Variants in AHCYL2 observed in about 807,000 individuals in gnomAD.
AHCYL2 encodes S-adenosylhomocysteine hydrolase-like protein 2.
In AHCYL2, 28 loss-of-function variants were observed where a neutral mutation model predicts 81.4. The ratio of observed to expected loss-of-function variants is 0.34; its 90% CI spans 0.25 to 0.47. The LOEUF (loss-of-function observed/expected upper bound fraction) is 0.47. Among genes scored for constraint, AHCYL2 ranks in the 20% least tolerant of loss-of-function variants. The probability of loss-of-function intolerance (pLI) is 1.00; values close to 1 mark genes in which losing one functional copy is unlikely to be tolerated. For synonymous variants in AHCYL2, 272 were observed against 290.2 expected, an observed-to-expected ratio of 0.94 and a Z score of 0.64; for missense variants, 551 against 785.1, an observed-to-expected ratio of 0.70 and a Z score of 3.56.
intron 1 of AHCYL2, among the ~76,000 whole-genome samples, chr7:129,237,006 T>C (rs752202696): frequency 6.6e-6 from 1 of 152,188 alleles, no homozygotes; most frequent in African/African-American, 2.4e-5. Context: ...TTAGGAATTC[T>C]TTATATATTC....
At chr7:129,402,249 C>T (rs926474766) in intron 6 of AHCYL2, among the ~76,000 whole-genome samples, 1 of 152,078 alleles carries the variant, frequency 6.6e-6, no homozygotes, top group African/African-American at 2.4e-5. Context: ...GGAGCAAGTA[C>T]AAGAGCTTTG....
intron 1 of AHCYL2, among the ~76,000 whole-genome samples, chr7:129,257,111 A>C: frequency 6.6e-6 from 1 of 152,162 alleles, no homozygotes; most frequent in East Asian, 1.9e-4. Context: ...CTCTGAAGGG[A>C]TGAAGCTGTT....
chr7:129,280,369 G>A (rs570465785), intron 1 of AHCYL2, among the ~76,000 whole-genome samples: 5 of 151,806 alleles, frequency 3.3e-5, no homozygotes, highest in East Asian at 1.9e-4. Context: ...AGGTTTCGCC[G>A]TGTTGGCCAG....
intron 1 of AHCYL2, among the ~76,000 whole-genome samples, chr7:129,297,273 G>T (rs996171511): frequency 6.6e-6 from 1 of 152,208 alleles, no homozygotes; most frequent in Non-Finnish European, 1.5e-5. Context: ...GTGGTTGCCT[G>T]TGAGTCCTTT....
intron 1 of AHCYL2, among the ~76,000 whole-genome samples, chr7:129,358,748 T>C (rs766573367): frequency 2.0e-5 from 3 of 152,218 alleles, no homozygotes; most frequent in Non-Finnish European, 2.9e-5. Flanking sequence ...GTAACTCTTA[T>C]GTACATTTAC....
chr7:129,235,234 A>G (rs1281994348), intron 1 of AHCYL2, among the ~76,000 whole-genome samples: 1 of 149,154 alleles, frequency 6.7e-6, no homozygotes, highest in African/African-American at 2.5e-5. Context: ...TTATTTCTCT[A>G]GCTGCTCCTT....
At chr7:129,253,105 G>A (rs1795297116) in intron 1 of AHCYL2, among the ~76,000 whole-genome samples, 1 of 152,016 alleles carries the variant, frequency 6.6e-6, no homozygotes, top group Admixed American at 6.6e-5. Flanking sequence ...CTACTGGGGA[G>A]GCTGAGGCAG....
intron 1 of AHCYL2, among the ~76,000 whole-genome samples, chr7:129,231,898 C>T (rs1794455423): frequency 6.6e-6 from 1 of 151,868 alleles, no homozygotes; most frequent in South Asian, 2.1e-4. Context: ...TAGCTATTTC[C>T]CTCTTGGACG....
chr7:129,285,002 G>A (rs558497495), intron 1 of AHCYL2, among the ~76,000 whole-genome samples: 10 of 152,126 alleles, frequency 6.6e-5, no homozygotes, highest in Non-Finnish European at 1.3e-4. Context: ...AAAATATTTT[G>A]GAGTATAAAA....
rs1795961295 is a variant in AHCYL2, at chr7:129,400,175, A to C, written c.824-115A>C. Reference sequence around the variant, plus strand: ...ATCAGTGAAGAATGTCAATCCAAGGAGTATAGCAGAATGAGAGAGTTGGAA... The same window carrying C: ...ATCAGTGAAGAATGTCAATCCAAGGCGTATAGCAGAATGAGAGAGTTGGAA... On this transcript the variant is annotated intron_variant, in intron 5 of 16. Coordinates refer to ENST00000325006, the MANE Select transcript of AHCYL2 (RefSeq NM_015328.4). 4 of 821,238 alleles carry C rather than the reference A, an allele frequency of 4.9e-6. No homozygotes were observed. The East Asian group carries it at 1.0e-4, about 21-fold the overall frequency. 50.9% of individuals were successfully genotyped at this position (821,238 alleles called of 1,614,324 possible).
At chr7:129,305,533 G>T (rs1051665472) in intron 1 of AHCYL2, among the ~76,000 whole-genome samples, 1 of 151,868 alleles carries the variant, frequency 6.6e-6, no homozygotes, top group East Asian at 1.9e-4. Flanking sequence ...ATTTTTTGTT[G>T]TTTCTATTTA....
intron 12 of AHCYL2, among the ~76,000 whole-genome samples, chr7:129,413,896 ATCT>A (rs1796716780): frequency 6.6e-6 from 1 of 152,198 alleles, no homozygotes; most frequent in Non-Finnish European, 1.5e-5. Flanking sequence ...AATGATTGTC[ATCT>A]TCTATTCAAG....
At chr7:129,244,185 G>T (rs80202845) in intron 1 of AHCYL2, among the ~76,000 whole-genome samples, 533 of 140,746 alleles carry the variant, frequency 3.8e-3, no homozygotes, top group African/African-American at 0.013. Flanking sequence ...TTTTTTTTCT[G>T]TAGATACAGA....
intron 11 of AHCYL2, 26 bp downstream of exon 11, chr7:129,409,572 G>A (rs1796465382): frequency 3.8e-6 from 6 of 1,572,748 alleles, no homozygotes; most frequent in Non-Finnish European, 5.2e-6. Context: ...TTTAAATGGG[G>A]TGGCACTTGG....
intron 1 of AHCYL2, among the ~76,000 whole-genome samples, chr7:129,350,964 A>T (rs1050795802): frequency 6.6e-6 from 1 of 152,066 alleles, no homozygotes. Context: ...TCGGCCTCCC[A>T]AAGTGCTGGG....
intron 1 of AHCYL2, among the ~76,000 whole-genome samples, chr7:129,363,154 C>T (rs1793993480): frequency 6.6e-6 from 1 of 152,154 alleles, no homozygotes; most frequent in African/African-American, 2.4e-5. Flanking sequence ...CCGCAGGAGC[C>T]GATACAGTTT....
chr7:129,346,111 TCC>T (rs1793353380), intron 1 of AHCYL2, among the ~76,000 whole-genome samples: 1 of 152,214 alleles, frequency 6.6e-6, no homozygotes, highest in African/African-American at 2.4e-5. Context: ...GTGTGTAATT[TCC>T]TTTTTCTACA....
At chr7:129,399,585 G>A (rs978715577) in intron 5 of AHCYL2, among the ~76,000 whole-genome samples, 4 of 151,974 alleles carry the variant, frequency 2.6e-5, no homozygotes, top group East Asian at 3.8e-4. Flanking sequence ...AACACGTAAG[G>A]GTTTTTTTCT....
chr7:129,399,884 G>A (rs908782423), intron 5 of AHCYL2, among the ~76,000 whole-genome samples: 1 of 151,870 alleles, frequency 6.6e-6, no homozygotes, highest in South Asian at 2.1e-4. Flanking sequence ...GCACCACCAC[G>A]CCCAACTAAT....
Sources: allele counts gnomAD v4.1 joint callset (sites outside exome capture counted in the v4.1 genomes callset), GRCh38; gene constraint gnomAD v4.1.1; transcripts MANE v1.5; gene names NCBI Gene and HGNC (gene_info 2026-07-23, HGNC 2026-07-21).